Variants in TMEM229B observed in about 807,000 individuals in gnomAD.
The protein encoded by TMEM229B is chromosome 14 open reading frame 83.
TMEM229B carries 6 observed loss-of-function variants against 13.7 expected under a neutral mutation model. That is an observed-to-expected ratio of 0.44 (90% CI 0.24 to 0.86). The LOEUF is 0.86. TMEM229B is among the 40% of genes least tolerant of loss of function. The probability of loss-of-function intolerance (pLI) is 0.23; values close to 1 mark genes in which losing one functional copy is unlikely to be tolerated. For synonymous variants in TMEM229B, 107 were observed against 102.1 expected (o/e 1.05, Z -0.29); for missense variants, 170 against 236.0 (o/e 0.72, Z 1.83).
intron 2 of TMEM229B, among the ~76,000 whole-genome samples, chr14:67,476,485 G>T (rs188926553): frequency 6.6e-6 from 1 of 152,254 alleles, no homozygotes; most frequent in Non-Finnish European, 1.5e-5. Context: ...TACTTGGGAG[G>T]CTGAGGCAGA....
intron 1 of TMEM229B, among the ~76,000 whole-genome samples, chr14:67,487,570 C>A (rs1344930181): frequency 1.3e-5 from 2 of 152,182 alleles, no homozygotes; most frequent in African/African-American, 4.8e-5. Flanking sequence ...GGAAGGCAGA[C>A]AATGTAGGAC....
chr14:67,494,338 C>T (rs576413515), intron 1 of TMEM229B, among the ~76,000 whole-genome samples: 4 of 152,212 alleles, frequency 2.6e-5, no homozygotes, highest in South Asian at 2.1e-4. Flanking sequence ...TGAGAAAGGC[C>T]GAGAAGAGAA....
intron 2 of TMEM229B, among the ~76,000 whole-genome samples, chr14:67,482,319 C>G (rs1031902362): frequency 3.9e-5 from 6 of 152,216 alleles, no homozygotes; most frequent in Admixed American, 2.6e-4. Context: ...AGGCTGAAGG[C>G]AAAACCAGAT....
chr14:67,507,758 A>G (rs369498187), intron 1 of TMEM229B, among the ~76,000 whole-genome samples: 3 of 152,190 alleles, frequency 2.0e-5, no homozygotes, highest in East Asian at 1.9e-4. Flanking sequence ...AAGACAAGAC[A>G]TAAAGGTTGC....
upstream of TMEM229B, among the ~76,000 whole-genome samples, chr14:67,519,289 G>C (rs149797090): frequency 2.9e-3 from 437 of 152,350 alleles, 5 homozygotes; most frequent in African/African-American, 9.9e-3. Flanking sequence ...AAAAGAATAT[G>C]ATCAGATGGC....
chr14:67,493,290 G>C (rs1230040838), upstream of TMEM229B, among the ~76,000 whole-genome samples: 3 of 152,144 alleles, frequency 2.0e-5, no homozygotes, highest in Non-Finnish European at 4.4e-5. Context: ...ACACGCCCAA[G>C]CATATGCCAT....
chr14:67,478,718 C>T (rs186312477), intron 2 of TMEM229B, among the ~76,000 whole-genome samples: 208 of 152,268 alleles, frequency 1.4e-3, no homozygotes, highest in Non-Finnish European at 1.9e-3. Context: ...CCACCCAGGG[C>T]CGGTGAACCC....
intron 1 of TMEM229B, among the ~76,000 whole-genome samples, chr14:67,503,216 G>T (rs1315023335): frequency 6.6e-6 from 1 of 152,224 alleles, no homozygotes; most frequent in Non-Finnish European, 1.5e-5. Flanking sequence ...CCTAACAGAA[G>T]TGGTTTTGGT....
At chr14:67,500,189 C>T (rs1253853431) in intron 1 of TMEM229B, among the ~76,000 whole-genome samples, 1 of 151,868 alleles carries the variant, frequency 6.6e-6, no homozygotes, top group Non-Finnish European at 1.5e-5. Context: ...AAATAGAAAA[C>T]AATAGGCCAT....
intron 2 of TMEM229B, 77 bp downstream of exon 2, chr14:67,486,923 C>T (rs1023617903): frequency 6.6e-6 from 1 of 152,142 alleles, no homozygotes; most frequent in Non-Finnish European, 1.5e-5. Flanking sequence ...CCTCCAGACT[C>T]GTGCCCATGC....
chr14:67,533,196 C>T (rs2033526117), intron 1 of TMEM229B: 1 of 151,988 alleles, frequency 6.6e-6, no homozygotes, highest in Admixed American at 6.5e-5. Flanking sequence ...AAGGCTCGGC[C>T]GGGCTTTGTG....
chr14:67,489,453 G>C (rs746830033), upstream of TMEM229B, among the ~76,000 whole-genome samples: 2 of 152,196 alleles, frequency 1.3e-5, no homozygotes, highest in Non-Finnish European at 2.9e-5. Flanking sequence ...TGTCCATGCA[G>C]CTTCTGGTCA....
At chr14:67,517,264 G>A (rs964132667), upstream of TMEM229B, among the ~76,000 whole-genome samples, 2 of 152,166 alleles carry the variant, frequency 1.3e-5, no homozygotes, top group Non-Finnish European at 1.5e-5. Context: ...AGCTGTGGCC[G>A]GCGGCTGGCA....
chr14:67,519,867 C>T (rs1374571698), upstream of TMEM229B, among the ~76,000 whole-genome samples: 1 of 152,122 alleles, frequency 6.6e-6, no homozygotes, highest in Admixed American at 6.5e-5. Context: ...GGACTACAGG[C>T]GTACGCCACC....
intron 2 of TMEM229B, among the ~76,000 whole-genome samples, chr14:67,482,373 CA>C (rs2031636500): frequency 6.6e-6 from 1 of 152,352 alleles, no homozygotes; most frequent in African/African-American, 2.4e-5. Context: ...CATCTTGTTT[CA>C]GGGGGCTAAG....
intron 2 of TMEM229B, among the ~76,000 whole-genome samples, chr14:67,486,272 G>A (rs1004950880): frequency 3.3e-5 from 5 of 152,132 alleles, no homozygotes. Flanking sequence ...AGATCTGATG[G>A]GTTTTTGTTT....
At chr14:67,493,396 C>T (rs1028276870), upstream of TMEM229B, among the ~76,000 whole-genome samples, 2 of 152,122 alleles carry the variant, frequency 1.3e-5, no homozygotes, top group African/African-American at 4.8e-5. Flanking sequence ...TTGTGCGGTC[C>T]AACCCCAGCC....
upstream of TMEM229B, among the ~76,000 whole-genome samples, chr14:67,489,318 C>G (rs888859195): frequency 6.6e-6 from 1 of 152,336 alleles, no homozygotes; most frequent in African/African-American, 2.4e-5. Flanking sequence ...AATGTGCCTT[C>G]GAACTGCTTC....
At chr14:67,496,401 T>TG (rs2032376907) in intron 1 of TMEM229B, among the ~76,000 whole-genome samples, 2 of 124,478 alleles carry the variant, frequency 1.6e-5, no homozygotes, top group African/African-American at 3.0e-5. Flanking sequence ...GTTTTTTTTT[T>TG]TTTTTTTTTT....
Sources: allele counts gnomAD v4.1 joint callset (sites outside exome capture counted in the v4.1 genomes callset), GRCh38; gene constraint gnomAD v4.1.1; transcripts MANE v1.5; gene names NCBI Gene and HGNC (gene_info 2026-07-23, HGNC 2026-07-21).